NUP210L: variants seen among roughly 807,000 people sequenced by gnomAD.
NUP210L encodes nucleoporin 210 like.
Under a neutral mutation model 208.5 loss-of-function variants are expected in NUP210L, and 74 were observed. The ratio of observed to expected loss-of-function variants is 0.35; its 90% CI spans 0.29 to 0.43. The LOEUF (loss-of-function observed/expected upper bound fraction) is 0.43, where lower values mean the gene tolerates loss of function less well. NUP210L is among the 20% of genes least tolerant of loss of function. The probability of loss-of-function intolerance (pLI) is 1.00; values close to 1 mark genes in which losing one functional copy is unlikely to be tolerated. For synonymous variants in NUP210L, 780 were observed against 816.9 expected (o/e 0.95, Z 0.77); for missense variants, 1,843 against 2,289.4 (o/e 0.81, Z 3.98).
At chr1:154,071,675 AC>A in intron 16 of NUP210L, among the ~76,000 whole-genome samples, 1 of 119,374 alleles carries the variant, frequency 8.4e-6, no homozygotes, top group East Asian at 2.4e-4. Flanking sequence ...TTGCTCTGTC[AC>A]CCAGGCTGGA....
Position 154,027,617 on chromosome 1 carries a change from TC to T in NUP210L, c.3856-21del. ...AAACACCTATAATGAGAAAATGTTTTCCTCATTTTTGGCAAAGACAAATTAT... is the reference window on the plus strand; with the variant it reads ...AAACACCTATAATGAGAAAATGTTTTCTCATTTTTGGCAAAGACAAATTAT... On this transcript the variant is annotated intron_variant, in intron 28 of 39. Coordinates refer to ENST00000368559, the Ensembl canonical transcript of NUP210L. 1 of 1,572,986 alleles carries T rather than the reference TC, an allele frequency of 6.4e-7. No individual in the cohort carries two copies. The highest frequency in any genetic ancestry group is 8.7e-7 in the Non-Finnish European group (1 of 1,144,820).
intron 35 of NUP210L, among the ~76,000 whole-genome samples, chr1:154,004,312 A>G (rs1252013942): frequency 2.0e-5 from 3 of 151,064 alleles, no homozygotes; most frequent in Non-Finnish European, 4.4e-5. Context: ...CTCGTGATCC[A>G]CCTGCCTCAG....
intron 35 of NUP210L, among the ~76,000 whole-genome samples, chr1:154,005,974 A>T (rs553682212): frequency 6.6e-6 from 1 of 151,422 alleles, no homozygotes; most frequent in Non-Finnish European, 1.5e-5. Flanking sequence ...TGCCCACCTC[A>T]GTCTCCCAAA....
At chr1:154,090,265 G>T (rs766800465) in intron 15 of NUP210L, among the ~76,000 whole-genome samples, 3 of 151,428 alleles carry the variant, frequency 2.0e-5, no homozygotes, top group Non-Finnish European at 4.4e-5. Flanking sequence ...CTTTTCCTCC[G>T]CCAAATATTT....
chr1:154,082,935 T>C (rs973638565), intron 16 of NUP210L, among the ~76,000 whole-genome samples: 9 of 152,038 alleles, frequency 5.9e-5, no homozygotes, highest in African/African-American at 2.2e-4. Context: ...CTCTTAAAGG[T>C]GGCACATCAG....
At chr1:154,000,048 C>T (rs1452875729) in intron 37 of NUP210L, among the ~76,000 whole-genome samples, 2 of 152,006 alleles carry the variant, frequency 1.3e-5, no homozygotes, top group African/African-American at 4.8e-5. Flanking sequence ...CCAGGCTGGT[C>T]TTGAACTCCT....
In NUP210L at chr1:154,155,059, C is replaced by A. The variant is rs765961019; in HGVS notation, c.-15G>T. On this transcript the variant is annotated 5_prime_UTR_variant, in exon 1 of 40. Transcript: ENST00000368559. The stretch of plus-strand genomic sequence containing the variant: ...CAGCCAGTCATGGCGACTGCCAGGT[C>A]TCGGGTTCCCGCTCAACTACAGCCG... The A allele has an allele frequency of 6.3e-6, 10 of 1,579,424 alleles. No individual in the cohort carries two copies. In the South Asian group the frequency reaches 1.0e-4, roughly 16 times the overall value.
At chr1:154,028,683 G>A (rs1011698133) in intron 28 of NUP210L, among the ~76,000 whole-genome samples, 18 of 152,132 alleles carry the variant, frequency 1.2e-4, no homozygotes, top group African/African-American at 4.3e-4. Context: ...AGTTACTATG[G>A]TGTTCATATC....
chr1:154,091,343 G>A (rs1041301735), intron 15 of NUP210L, among the ~76,000 whole-genome samples: 5 of 151,536 alleles, frequency 3.3e-5, no homozygotes, highest in Admixed American at 2.6e-4. Context: ...TGATCCACCT[G>A]CCTCAACCTC....
intron 7 of NUP210L, among the ~76,000 whole-genome samples, chr1:154,130,576 A>G (rs1374753489): frequency 1.0e-5 from 1 of 98,962 alleles, no homozygotes; most frequent in African/African-American, 3.7e-5. Flanking sequence ...CCTGGCCCCA[A>G]TTTTTTTTTT....
chr1:154,104,224 A>G lies in NUP210L; in HGVS notation c.1621-14T>C, dbSNP rs1656630110. On this transcript the variant is annotated splice_polypyrimidine_tract_variant and intron_variant, in intron 12 of 39. Transcript: ENST00000368559. ...CAGGACATGTATCTGGAGGGGAAAAATTCATCTTTCAAGAAAGTTATGTTA... is the reference window on the plus strand; with the variant it reads ...CAGGACATGTATCTGGAGGGGAAAAGTTCATCTTTCAAGAAAGTTATGTTA... 1 of 1,608,860 alleles carries G rather than the reference A, an allele frequency of 6.2e-7. No individual in the cohort carries two copies. The highest frequency in any genetic ancestry group is 1.3e-5 in the African/African-American group (1 of 74,826).
At chr1:154,014,626 ATTGT>A (rs759740747) in intron 33 of NUP210L, among the ~76,000 whole-genome samples, 6 of 152,160 alleles carry the variant, frequency 3.9e-5, no homozygotes, top group Non-Finnish European at 8.8e-5. Flanking sequence ...CATGTATGTA[ATTGT>A]TTATGTCACC....
chr1:153,993,567 GAA>G lies in NUP210L; in HGVS notation c.5492-480_5492-479del, dbSNP rs1211758853. ...GGCGATAGAGCCAGACTCTGTCTCA[GAA>G]AAAAAAAAAAAAGTGGGGAAATGGA... On this transcript the variant is annotated intron_variant, in intron 38 of 39. Coordinates refer to ENST00000368559, the Ensembl canonical transcript of NUP210L. Among the ~76,000 whole-genome samples the G allele has an allele frequency of 2.2e-3, 269 of 122,862 alleles. 2 individuals are homozygous for G. The highest frequency in any genetic ancestry group is 7.5e-3 in the African/African-American group (254 of 33,972). 80.6% of individuals were successfully genotyped at this position (122,862 alleles called of 152,430 possible). A position where few individuals can be genotyped will look rare whatever the true frequency, so the allele number is the denominator to read the frequency against.
At chr1:154,111,338 G>A (rs369191355) in intron 12 of NUP210L, among the ~76,000 whole-genome samples, 17 of 150,714 alleles carry the variant, frequency 1.1e-4, no homozygotes, top group African/African-American at 3.9e-4. Context: ...AGCCCAGATC[G>A]CACCACTGCA....
intron 30 of NUP210L, among the ~76,000 whole-genome samples, chr1:154,025,022 G>A (rs1472486279): frequency 6.7e-6 from 1 of 149,224 alleles, no homozygotes; most frequent in African/African-American, 2.5e-5. Flanking sequence ...CCGCCCCCCG[G>A]GGTTCACGGC....
At chr1:154,115,454 C>T (rs1422610778) in intron 12 of NUP210L, among the ~76,000 whole-genome samples, 2 of 152,174 alleles carry the variant, frequency 1.3e-5, no homozygotes, top group Admixed American at 6.6e-5. Flanking sequence ...TAAGGAAGCA[C>T]TCTAAATTTG....
chr1:154,002,498 T>C (rs1300306435), intron 35 of NUP210L, among the ~76,000 whole-genome samples: 1 of 151,986 alleles, frequency 6.6e-6, no homozygotes, highest in Non-Finnish European at 1.5e-5. Flanking sequence ...CCGGGTGTGA[T>C]GGTGGGTACC....
intron 35 of NUP210L, among the ~76,000 whole-genome samples, chr1:154,006,968 T>TATATATA (rs1367159154): frequency 3.6e-5 from 3 of 84,066 alleles, no homozygotes; most frequent in East Asian, 3.1e-4. Context: ...ATATATATAT[T>TATATATA]TTTTTTTTTT....
intron 18 of NUP210L, among the ~76,000 whole-genome samples, chr1:154,061,272 G>A (rs1169847923): frequency 2.6e-5 from 4 of 151,948 alleles, no homozygotes; most frequent in Non-Finnish European, 5.9e-5. Flanking sequence ...CAGCTAGTTG[G>A]GAGGATGAGG....
Sources: allele counts gnomAD v4.1 joint callset (sites outside exome capture counted in the v4.1 genomes callset), GRCh38; gene constraint gnomAD v4.1.1; transcripts MANE v1.5; gene names NCBI Gene and HGNC (gene_info 2026-07-23, HGNC 2026-07-21).